The following ITGB4 variants were observed in gnomAD, a reference collection of about 807,000 sequenced individuals.
ITGB4 encodes integrin subunit beta 4.
ITGB4 carries 159 observed loss-of-function variants against 207.6 expected under a neutral mutation model. The observed-to-expected ratio is 0.77, with a 90% confidence interval of 0.67 to 0.87. The LOEUF (loss-of-function observed/expected upper bound fraction) is 0.87, where lower values mean the gene tolerates loss of function less well. Ranked by LOEUF, ITGB4 falls within the 40% of genes least tolerant of loss-of-function variation. The pLI is 0.00. For missense variants in ITGB4, 2,278 were observed against 2,546.8 expected, an observed-to-expected ratio of 0.89 and a Z score of 2.27; for synonymous variants, 1,020 against 1,062.7, an observed-to-expected ratio of 0.96 and a Z score of 0.78.
rs1568382583 is a variant in ITGB4, at chr17:75,753,993, GC to G, written c.4318+25del. 1.7e-5 allele frequency: 19 copies of G among 1,103,164 alleles called. No individual in the cohort carries two copies. Among genetic ancestry groups the G allele is most frequent in the South Asian group, 1.1e-4 (3 of 27,758 alleles). 68.3% of individuals were successfully genotyped at this position (1,103,164 alleles called of 1,614,324 possible). ...CCCGGAGGTGACAGGCTCACCCGCCGCCCCCCGATCCGCGCCCACCCAGCCT... is the reference window on the plus strand; with the variant it reads ...CCCGGAGGTGACAGGCTCACCCGCCGCCCCCGATCCGCGCCCACCCAGCCT... On this transcript the variant is annotated intron_variant, in intron 33 of 39. Transcript: ENST00000200181.
rs900472102 is a variant in ITGB4, at chr17:75,737,622, G to T, written c.2198G>T (p.Trp733Leu). 3.7e-6 allele frequency: 6 copies of T among 1,613,300 alleles called. No homozygotes were observed. Among genetic ancestry groups the T allele is most frequent in the Non-Finnish European group, 5.1e-6 (6 of 1,179,808 alleles). ...CTGGCCCTGCTACTGCTGCTATGCT[G>T]GAAGTACTGTGCCTGCTGCAAGGTG... ...PLLALLLLLC[W>L]KYCACCKACL... Residue 733 changes from tryptophan to leucine, a missense_variant, in exon 18 of 40, where the codon TGG becomes TTG. Coordinates refer to ENST00000200181, the MANE Select transcript of ITGB4 (RefSeq NM_000213.5).
In ITGB4 at chr17:75,729,859, C is replaced by T. The variant is rs983002426; in HGVS notation, c.739-382C>T. 3.9e-5 allele frequency among the ~76,000 whole-genome samples: 6 copies of T among 152,202 alleles called. No homozygotes were observed. Among genetic ancestry groups the T allele is most frequent in the African/African-American group, 1.2e-4 (5 of 41,448 alleles). On this transcript the variant is annotated intron_variant, in intron 7 of 39. Transcript: ENST00000200181. The surrounding 1 kb of genome is among the most constrained non-coding windows in gnomAD (Gnocchi z 4.4). Reference sequence around the variant, plus strand: ...TATTACTAGGTTAGAAAACAAAGAGCTAGCCAAGGCGTGGTGGCTCACACC... The same window carrying T: ...TATTACTAGGTTAGAAAACAAAGAGTTAGCCAAGGCGTGGTGGCTCACACC...
intron 23 of ITGB4, chr17:75,741,217 G>C: frequency 7.6e-6 from 5 of 659,044 alleles, no homozygotes; most frequent in South Asian, 3.5e-5. Flanking sequence ...CCCTGGACTA[G>C]AGCAGGCAAA....
At chr17:75,755,943 C>T in intron 35 of ITGB4, 93 bp downstream of exon 35, 1 of 1,457,052 alleles carries the variant, frequency 6.9e-7, no homozygotes, top group Non-Finnish European at 9.3e-7. Flanking sequence ...GTCAGGAACC[C>T]ACCCAAGTCC....
At chr17:75,728,249 A>C (rs2060766485) in intron 5 of ITGB4, 128 bp from the exon 6 acceptor site, 2 of 754,654 alleles carry the variant, frequency 2.7e-6, no homozygotes, top group Admixed American at 2.0e-5. Context: ...GTGAGCATGA[A>C]CCTTTGTCCA....
In ITGB4 at chr17:75,754,650, A is replaced by C. The variant is rs773936311; in HGVS notation, c.4393A>C (p.Ser1465Arg). Residue 1465 changes from serine (S) to arginine (R), a missense_variant, in exon 34 of 40, where the codon AGT becomes CGT. Coordinates refer to ENST00000200181, the MANE Select transcript of ITGB4 (RefSeq NM_000213.5). Reference sequence around the variant, plus strand: ...CTCCCTGCACAGGATGACCACGACCAGTGCTGCTGCCTATGGCACCCACCT... The same window carrying C: ...CTCCCTGCACAGGATGACCACGACCCGTGCTGCTGCCTATGGCACCCACCT... ...TNSLHRMTTT[S>R]AAAYGTHLSP... The C allele has an allele frequency of 2.7e-5, 43 of 1,613,878 alleles. No individual in the cohort carries two copies. The East Asian group carries it at 9.1e-4, about 34-fold the overall frequency.
In ITGB4 at chr17:75,749,807, T is replaced by C. The variant is rs113180615; in HGVS notation, c.3317-304T>C. 0.014 allele frequency among the ~76,000 whole-genome samples: 2,119 copies of C among 152,190 alleles called. 53 individuals are homozygous for C. The highest frequency in any genetic ancestry group is 0.048 in the African/African-American group (1,982 of 41,514). ...GGAGGGAGATACTCAGGGTACAGTG[T>C]GGAGATGGGGTGGGGAGCAAATGTT... On this transcript the variant is annotated intron_variant, in intron 27 of 39. Transcript: ENST00000200181.
Position 75,740,841 on chromosome 17 carries a change from A to T in ITGB4, c.2599A>T (p.Thr867Ser). Residue 867 changes from threonine (T) to serine (S), a missense_variant, in exon 22 of 40, where the codon ACC (threonine) becomes TCC (serine). By Grantham distance (58) the Thr-to-Ser change is moderately conservative. Coordinates refer to ENST00000200181, the MANE Select transcript of ITGB4 (RefSeq NM_000213.5). The surrounding 1 kb of genome is among the most constrained non-coding windows in gnomAD (Gnocchi z 5.9). ...CTCCGGTGTACACAAGCTCCAGCAG[A>T]CCAAGTTCCGGTGAGTCCCGGGGTG... ...QISGVHKLQQ[T>S]KFRQQPNAGK... The T allele has an allele frequency of 6.2e-7, 1 of 1,613,688 alleles. No individual in the cohort carries two copies. The highest frequency in any genetic ancestry group is 8.5e-7 in the Non-Finnish European group (1 of 1,180,002).
chr17:75,752,173 G>T lies in ITGB4; in HGVS notation c.3794-1G>T. On this transcript the variant is annotated splice_acceptor_variant, in intron 30 of 39. Transcript: ENST00000200181. LOFTEE classifies it high-confidence loss of function. The stretch of plus-strand genomic sequence containing the variant: ...CCTCTGAAGCACTCTCTCTGCCCCA[G>T]GACCTATTGGGCCCATGAAGAAAGT... The T allele has an allele frequency of 6.2e-7, 1 of 1,613,940 alleles. No individual in the cohort carries two copies. Among genetic ancestry groups the T allele is most frequent in the East Asian group, 2.2e-5 (1 of 44,880 alleles).
chr17:75,750,086 G>T lies in ITGB4; in HGVS notation c.3317-25G>T, dbSNP rs1293631533. The T allele has an allele frequency of 6.2e-7, 1 of 1,613,234 alleles. No individual in the cohort carries two copies. The highest frequency in any genetic ancestry group is 8.5e-7 in the Non-Finnish European group (1 of 1,179,998). ...GTGGTGAAGGGGGATCTGAGTGGTTGCCCGGCCCCAACCTGACCCGTTAGA... is the reference window on the plus strand; with the variant it reads ...GTGGTGAAGGGGGATCTGAGTGGTTTCCCGGCCCCAACCTGACCCGTTAGA... On this transcript the variant is annotated intron_variant, in intron 27 of 39. Transcript: ENST00000200181. This position sits in a 1 kb window ranked among gnomAD's most constrained non-coding sequence, Gnocchi z 5.5.
rs781389540 is a variant in ITGB4, at chr17:75,740,387, C to A, written c.2476C>A (p.Arg826Ser). ...CTACGGGCTGTCCTTGCGCCTGGCC[C>A]GCCTTTGCACCGAGAACCTGCTGAA... The part of the protein sequence containing the change: ...VPYGLSLRLA[R>S]LCTENLLKPD... The change falls in exon 21 of 40, where the codon CGC becomes AGC. Residue 826 changes from arginine (R) to serine (S), a missense_variant. By Grantham distance (110) the Arg-to-Ser change is moderately radical (BLOSUM62 -1). Transcript: ENST00000200181. This position sits in a 1 kb window ranked among gnomAD's most constrained non-coding sequence, Gnocchi z 5.9. The A allele has an allele frequency of 6.2e-7, 1 of 1,613,778 alleles. No individual in the cohort carries two copies. Among genetic ancestry groups the A allele is most frequent in the East Asian group, 2.2e-5 (1 of 44,872 alleles).
chr17:75,724,408 C>G lies in ITGB4; in HGVS notation c.-10-286C>G, dbSNP rs572754498. 2.0e-5 allele frequency among the ~76,000 whole-genome samples: 3 copies of G among 152,388 alleles called. No homozygotes were observed. In the East Asian group the frequency reaches 5.8e-4, roughly 29 times the overall value. ...AAACCCACATCTGCCCTCAGGGAGC[C>G]CAGTGCTGAGAGGCCTGGCACTGGG... is the stretch of plus-strand genomic sequence containing the variant. On this transcript the variant is annotated intron_variant, in intron 1 of 39. Coordinates refer to ENST00000200181, the MANE Select transcript of ITGB4 (RefSeq NM_000213.5).
Position 75,741,281 on chromosome 17 carries a change from CGGT to C in ITGB4, c.2633+277_2633+279del, listed in dbSNP as rs142894720. Among the ~76,000 whole-genome samples, 66 of 152,320 alleles carry C rather than the reference CGGT, an allele frequency of 4.3e-4. 3 individuals carry two copies. In the East Asian group the frequency reaches 0.012, roughly 29 times the overall value. On this transcript the variant is annotated intron_variant, in intron 23 of 39. Coordinates refer to ENST00000200181, the MANE Select transcript of ITGB4 (RefSeq NM_000213.5). ...ATAGGTGACTGTCCAGCCCCCCACC[CGGT>C]ACCAGCGATAGCAGGTACCCATCTC...
chr17:75,740,504 A>C lies in ITGB4; in HGVS notation c.2550+43A>C. On this transcript the variant is annotated intron_variant, in intron 21 of 39. Coordinates refer to ENST00000200181, the MANE Select transcript of ITGB4 (RefSeq NM_000213.5). This position sits in a 1 kb window ranked among gnomAD's most constrained non-coding sequence, Gnocchi z 5.9. Reference sequence around the variant, plus strand: ...AGGCCTGGCCGGAGATGTGGGTATGAGGGCGGGTGAGGTGGGCAGGGCAGA... The same window carrying C: ...AGGCCTGGCCGGAGATGTGGGTATGCGGGCGGGTGAGGTGGGCAGGGCAGA... The C allele has an allele frequency of 1.5e-6, 2 of 1,348,502 alleles. No homozygotes were observed. The highest frequency in any genetic ancestry group is 1.2e-5 in the South Asian group (1 of 85,304). 83.5% of individuals were successfully genotyped at this position (1,348,502 alleles called of 1,614,324 possible). A position where few individuals can be genotyped will look rare whatever the true frequency, so the allele number is the denominator to read the frequency against.
Position 75,750,238 on chromosome 17 carries a change from G to A in ITGB4, c.3444G>A (p.Leu1148=), listed in dbSNP as rs1188476813. The change falls in exon 28 of 40, where the codon CTG becomes CTA. Residue 1148 remains leucine, a synonymous_variant. Transcript: ENST00000200181. The surrounding 1 kb of genome is among the most constrained non-coding windows in gnomAD (Gnocchi z 5.5). ...AGSRKIHFNW[L]PPSGKPMGYR... The stretch of plus-strand genomic sequence containing the variant: ...CCAGGAAGATCCATTTCAACTGGCT[G>A]CCCCCTTCTGGCAAGCCAATGGGGT... 6.2e-7 allele frequency: 1 copy of A among 1,613,484 alleles called. No homozygotes were observed.
chr17:75,757,682 CTAGG>C lies in ITGB4; in HGVS notation c.*129_*132del, dbSNP rs2061553557. 1 of 1,323,856 alleles carries C rather than the reference CTAGG, an allele frequency of 7.6e-7. No individual in the cohort carries two copies. The highest frequency in any genetic ancestry group is 1.1e-6 in the Non-Finnish European group (1 of 929,352). The allele number at this position is 1,323,856 out of a possible 1,614,324, so 82.0% of individuals were successfully genotyped here. On this transcript the variant is annotated 3_prime_UTR_variant, in exon 40 of 40. Transcript: ENST00000200181. ...CCCACCCGCATGCACAGAGCAGGGGCTAGGTGTCTCCTGGGAGGCATGAAGGGGG... is the reference window on the plus strand; with the variant it reads ...CCCACCCGCATGCACAGAGCAGGGGCTGTCTCCTGGGAGGCATGAAGGGGG...
intron 32 of ITGB4, 22 bp from the exon 33 acceptor site, chr17:75,753,743 G>A: frequency 7.2e-7 from 1 of 1,395,454 alleles, no homozygotes; most frequent in African/African-American, 1.5e-5. Context: ...CGGTGCCAAC[G>A]CGGCCCTTCG....
chr17:75,751,577 C>A lies in ITGB4; in HGVS notation c.3793+466C>A, dbSNP rs3988218. The A allele has an allele frequency of 3.6e-3, 835 of 229,366 alleles. 8 individuals are homozygous for A. Among genetic ancestry groups the A allele is most frequent in the African/African-American group, 0.018 (805 of 43,702 alleles). The allele number at this position is 229,366 out of a possible 1,614,324, so 14.2% of individuals were successfully genotyped here. Reference sequence around the variant, plus strand: ...ACCAGCCTGGCTAACATGGTGAAACCGTTTCTACTAAAAATTAGACAGGCA... The same window carrying A: ...ACCAGCCTGGCTAACATGGTGAAACAGTTTCTACTAAAAATTAGACAGGCA... On this transcript the variant is annotated intron_variant, in intron 30 of 39. Transcript: ENST00000200181.
At chr17:75,752,085 G>A in intron 30 of ITGB4, 89 bp from the exon 31 acceptor site, 1 of 1,398,824 alleles carries the variant, frequency 7.1e-7, no homozygotes, top group Non-Finnish European at 1.0e-6. Flanking sequence ...TGCCATCCAG[G>A]GGATGCACGG....
Sources: allele counts gnomAD v4.1 joint callset (sites outside exome capture counted in the v4.1 genomes callset), GRCh38; gene constraint gnomAD v4.1.1; non-coding constraint Gnocchi (gnomAD v3.1); transcripts MANE v1.5; gene names NCBI Gene and HGNC (gene_info 2026-07-23, HGNC 2026-07-21).